The following DNAAF5 variants were observed in gnomAD, a reference collection of about 807,000 sequenced individuals.
The protein encoded by DNAAF5 is HEAT repeat containing 2.
A neutral mutation model predicts 75.8 loss-of-function variants in DNAAF5; 64 were observed. The observed-to-expected ratio is 0.84, with a 90% CI of 0.69 to 1.04. The LOEUF is 1.04. Among genes scored for constraint, DNAAF5 ranks in the 50% least tolerant of loss-of-function variants. The probability of loss-of-function intolerance (pLI) is 0.00; values close to 1 mark genes in which losing one functional copy is unlikely to be tolerated. For synonymous variants in DNAAF5, 657 were observed against 557.2 expected (o/e 1.18, Z -2.52); for missense variants, 1,269 against 1,178.5 (o/e 1.08, Z -1.12).
intron 2 of DNAAF5, among the ~76,000 whole-genome samples, chr7:733,111 G>C (rs959744901): frequency 6.6e-6 from 1 of 152,048 alleles, no homozygotes; most frequent in Admixed American, 6.6e-5. Context: ...TTAATTTCTG[G>C]CTTCTCTATT....
chr7:762,025 C>A, intron 7 of DNAAF5, 129 bp downstream of exon 7: 1 of 1,081,190 alleles, frequency 9.2e-7, no homozygotes, highest in South Asian at 1.7e-5. Context: ...GGATTGAGAA[C>A]CTTGCGGGTG....
chr7:745,728 G>A (rs1782078533), intron 4 of DNAAF5, among the ~76,000 whole-genome samples: 1 of 152,246 alleles, frequency 6.6e-6, no homozygotes, highest in South Asian at 2.1e-4. Context: ...ACGTACGTGT[G>A]TGTGCACATA....
chr7:769,260 G>A (rs1778470311), intron 8 of DNAAF5: 3 of 725,024 alleles, frequency 4.1e-6, no homozygotes, highest in Non-Finnish European at 5.1e-6. Context: ...ACTGGCCCGG[G>A]GCCAGAGCGC....
chr7:767,238 CAAAAAA>C (rs936022330), intron 8 of DNAAF5, among the ~76,000 whole-genome samples: 1 of 66,410 alleles, frequency 1.5e-5, no homozygotes. Flanking sequence ...GACTCGGTCT[CAAAAAA>C]AAAAAAAAAA....
chr7:769,239 G>C, intron 8 of DNAAF5: 1 of 751,850 alleles, frequency 1.3e-6, no homozygotes, highest in Non-Finnish European at 2.5e-6. Context: ...GCCAGTGGAC[G>C]CTCCCTCTAC....
rs1269074897 is a variant in DNAAF5 at position 770,520 on chromosome 7, C to T, written c.1833C>T (p.Ala611=). 5 of 1,613,844 alleles carry T rather than the reference C, an allele frequency of 3.1e-6. No homozygotes were observed. Among genetic ancestry groups the T allele is most frequent in the East Asian group, 2.2e-5 (1 of 44,868 alleles). The part of the protein sequence containing the change: ...ALPHVVPTLR[A]CLQPSQDPQM... ...CACACGTCGTGCCCACGCTGAGGGC[C>T]TGTCTGCAGCCCTCCCAAGACCCGC... Residue 611 remains alanine (A), a synonymous_variant, in exon 9 of 13, where the codon GCC becomes GCT. Transcript: ENST00000297440.
chr7:748,670 G>C (rs1255225890), intron 4 of DNAAF5, among the ~76,000 whole-genome samples: 1 of 151,968 alleles, frequency 6.6e-6, no homozygotes, highest in Non-Finnish European at 1.5e-5. Flanking sequence ...CTCCTCGGTG[G>C]ACTCGGGCCC....
Position 726,913 on chromosome 7 carries a change from G to C in DNAAF5, c.193G>C (p.Asp65His). Residue 65 changes from aspartate (D) to histidine (H), a missense_variant, in exon 1 of 13, where the codon GAC becomes CAC. By Grantham distance (81) the Asp-to-His change is moderately conservative (BLOSUM62 -1). Transcript: ENST00000297440. ...RALEEPGPAADPTAFQGPWAR... is the reference protein window; with the variant it reads ...RALEEPGPAAHPTAFQGPWAR... ...GCTGGAGGAGCCAGGCCCTGCCGCC[G>C]ACCCCACCGCTTTCCAGGGCCCCTG... 1 of 1,345,916 alleles carries C rather than the reference G, an allele frequency of 7.4e-7. No homozygotes were observed. Among genetic ancestry groups the C allele is most frequent in the East Asian group, 3.3e-5 (1 of 30,088 alleles). 83.4% of individuals were successfully genotyped at this position (1,345,916 alleles called of 1,614,324 possible). A position where few individuals can be genotyped will look rare whatever the true frequency, so the allele number is the denominator to read the frequency against.
intron 10 of DNAAF5, 53 bp downstream of exon 10, chr7:774,251 T>C: frequency 6.6e-7 from 1 of 1,520,344 alleles, no homozygotes; most frequent in Non-Finnish European, 8.8e-7. Context: ...TGCGCAGGCT[T>C]CCTGGCGCCC....
chr7:773,289 G>A (rs1336362543), intron 9 of DNAAF5, among the ~76,000 whole-genome samples: 1 of 152,254 alleles, frequency 6.6e-6, no homozygotes, highest in Non-Finnish European at 1.5e-5. Flanking sequence ...GCAAGCCGGT[G>A]GCGCCTCCAG....
intron 11 of DNAAF5, among the ~76,000 whole-genome samples, chr7:776,329 C>T (rs1196690829): frequency 2.6e-5 from 4 of 151,892 alleles, no homozygotes; most frequent in South Asian, 4.1e-4. Context: ...GAGCCAGACT[C>T]CATCTCAAAA....
At chr7:738,309 G>T (rs373541571) in intron 2 of DNAAF5, among the ~76,000 whole-genome samples, 1 of 152,194 alleles carries the variant, frequency 6.6e-6, no homozygotes, top group South Asian at 2.1e-4. Context: ...ATAGGATTCT[G>T]AATTCTTTCT....
At chr7:760,972 T>C (rs1037789700) in intron 6 of DNAAF5, among the ~76,000 whole-genome samples, 1 of 152,262 alleles carries the variant, frequency 6.6e-6, no homozygotes, top group Non-Finnish European at 1.5e-5. Context: ...TGACCAGCCC[T>C]TGGCATGCGT....
chr7:781,038 A>G (rs1232743544), intron 12 of DNAAF5, among the ~76,000 whole-genome samples: 2 of 152,186 alleles, frequency 1.3e-5, no homozygotes, highest in Non-Finnish European at 2.9e-5. Context: ...TGTGTTACAA[A>G]TAATTCAGTG....
chr7:762,655 C>G (rs975861041), intron 7 of DNAAF5, among the ~76,000 whole-genome samples: 1 of 151,820 alleles, frequency 6.6e-6, no homozygotes. Flanking sequence ...GCTCTGTCAC[C>G]CAGGCTGGAG....
At chr7:766,805 G>A (rs1782834996) in intron 8 of DNAAF5, among the ~76,000 whole-genome samples, 1 of 151,960 alleles carries the variant, frequency 6.6e-6, no homozygotes, top group South Asian at 2.1e-4. Context: ...GAGAGACCAT[G>A]ATTCCAAAAA....
At chr7:768,919 G>C in intron 8 of DNAAF5, 1 of 544,116 alleles carries the variant, frequency 1.8e-6, no homozygotes, top group East Asian at 2.9e-5. Context: ...TGGTTCTCGT[G>C]GCAGGGCGGC....
intron 4 of DNAAF5, among the ~76,000 whole-genome samples, chr7:747,195 C>T (rs149495575): frequency 3.0e-4 from 45 of 152,356 alleles, no homozygotes; most frequent in African/African-American, 1.0e-3. Context: ...ACTCACCACA[C>T]ACTGTTTTCC....
Position 729,774 on chromosome 7 carries a change from A to G in DNAAF5, c.707A>G (p.His236Arg), listed in dbSNP as rs115058579. The G allele has an allele frequency of 1.2e-6, 2 of 1,614,072 alleles. No homozygotes were observed. Among genetic ancestry groups the G allele is most frequent in the African/African-American group, 2.7e-5 (2 of 74,932 alleles). Residue 236 changes from histidine to arginine, a missense_variant, in exon 2 of 13, where the codon CAT (histidine) becomes CGT (arginine). Transcript: ENST00000297440. ...AAIEATGAVI[H>R]FGNGKSVDDV... ...ATTGAAGCCACAGGCGCAGTGATCC[A>G]TTTTGGCAACGGGAAGTCCGTGGAC...
Sources: allele counts gnomAD v4.1 joint callset (sites outside exome capture counted in the v4.1 genomes callset), GRCh38; gene constraint gnomAD v4.1.1; transcripts MANE v1.5; gene names NCBI Gene and HGNC (gene_info 2026-07-23, HGNC 2026-07-21).